CXCL9: variants seen among roughly 807,000 people sequenced by gnomAD.
CXCL9 encodes the protein C-X-C motif chemokine 9.
In CXCL9, 8 loss-of-function variants were observed where a neutral mutation model predicts 11.7. That is an observed-to-expected ratio of 0.68 (90% confidence interval 0.40 to 1.23). The LOEUF (loss-of-function observed/expected upper bound fraction) is 1.23. Ranked by LOEUF, CXCL9 falls within the 50% of genes most tolerant of loss-of-function variation. The pLI, the probability that CXCL9 is intolerant of heterozygous loss-of-function variation, is 0.01. For missense variants in CXCL9, 133 were observed against 141.7 expected (o/e 0.94, Z 0.31); for synonymous variants, 43 against 48.2 (o/e 0.89, Z 0.45).
Position 76,003,544 on chromosome 4 carries a change from T to C in CXCL9, c.*54A>G, listed in dbSNP as rs527924058. ...CCATCCTCCTTTGGAATGATAGCGG[T>C]ATAATTAAAATAGAACATTTTTAAC... On this transcript the variant is annotated 3_prime_UTR_variant, in exon 4 of 4. Transcript: ENST00000264888. 2.0e-6 allele frequency: 2 copies of C among 996,114 alleles called. No homozygotes were observed. Among genetic ancestry groups the C allele is most frequent in the Non-Finnish European group, 3.2e-6 (2 of 633,694 alleles). 61.7% of individuals were successfully genotyped at this position (996,114 alleles called of 1,614,324 possible).
In CXCL9 at chr4:76,004,816, T is replaced by C. The variant is rs901303891; in HGVS notation, c.269A>G (p.Glu90Gly). ...ADVKELIKKW[E>G]KQVSQKKKQK... ...ATCTTCCTTTTCACCAACCTGTTTC[T>C]CCCACTTTTTAATCAGTTCCTTCAC... is the stretch of plus-strand genomic sequence containing the variant. The change falls in exon 3 of 4, where the codon GAG (glutamate) becomes GGG (glycine). Residue 90 changes from glutamate (E) to glycine (G), a missense_variant. Physicochemically the swap from Glu to Gly is moderately conservative, Grantham distance 98. Coordinates refer to ENST00000264888, the MANE Select transcript of CXCL9 (RefSeq NM_002416.3). The C allele has an allele frequency of 1.3e-6, 2 of 1,596,392 alleles. No individual in the cohort carries two copies. Among genetic ancestry groups the C allele is most frequent in the East Asian group, 4.5e-5 (2 of 44,522 alleles).
intron 3 of CXCL9, 37 bp downstream of exon 3, chr4:76,004,772 T>C: frequency 1.3e-6 from 2 of 1,583,532 alleles, no homozygotes; most frequent in African/African-American, 1.4e-5. Context: ...AGTTAATTTC[T>C]AAAAGAAAGA....
At position 76,006,180 on chromosome 4, in the gene CXCL9, G is replaced by A. The variant is rs79440907; in HGVS notation, c.159C>T (p.Ala53=). 4 of 1,613,666 alleles carry A rather than the reference G, an allele frequency of 2.5e-6. No individual in the cohort carries two copies. In the East Asian group the frequency reaches 6.7e-5, roughly 27 times the overall value. ...CAATTTTCTCGCAGGAAGGGCTTGG[G>A]GCAAATTGTTTAAGGTCTTTCAAGG... is the stretch of plus-strand genomic sequence containing the variant. ...LQSLKDLKQF[A]PSPSCEKIEI... Residue 53 remains alanine, a synonymous_variant, in exon 2 of 4, where the codon GCC becomes GCT. Coordinates refer to ENST00000264888, the MANE Select transcript of CXCL9 (RefSeq NM_002416.3).
At chr4:76,004,986 A>C in intron 2 of CXCL9, 93 bp from the exon 3 acceptor site, 3 of 1,367,958 alleles carry the variant, frequency 2.2e-6, no homozygotes, top group Non-Finnish European at 1.9e-6. Context: ...AATTGTGCTG[A>C]ATTTTCTAAT....
chr4:76,007,333 C>A, intron 1 of CXCL9, 53 bp downstream of exon 1: 2 of 978,636 alleles, frequency 2.0e-6, no homozygotes, highest in Non-Finnish European at 3.3e-6. Context: ...AATCAAGATT[C>A]TTTTACAGTG....
chr4:76,003,514 A>G lies in CXCL9; in HGVS notation c.*84T>C, dbSNP rs1731515959. ...AGTCAAATTAATAAGCCTTTGTATT[A>G]TATGCCATCCTCCTTTGGAATGATA... On this transcript the variant is annotated 3_prime_UTR_variant, in exon 4 of 4. Coordinates refer to ENST00000264888, the MANE Select transcript of CXCL9 (RefSeq NM_002416.3). 1.3e-6 allele frequency: 1 copy of G among 772,092 alleles called. No individual in the cohort carries two copies. The highest frequency in any genetic ancestry group is 2.5e-5 in the East Asian group (1 of 39,978). 47.8% of individuals were successfully genotyped at this position (772,092 alleles called of 1,614,324 possible). A position where few individuals can be genotyped will look rare whatever the true frequency, so the allele number is the denominator to read the frequency against.
chr4:76,003,526 C>A lies in CXCL9; in HGVS notation c.*72G>T. ...AAGCCTTTGTATTATATGCCATCCT[C>A]CTTTGGAATGATAGCGGTATAATTA... On this transcript the variant is annotated 3_prime_UTR_variant, in exon 4 of 4. Transcript: ENST00000264888. The A allele has an allele frequency of 1.2e-6, 1 of 864,808 alleles. No homozygotes were observed. Among genetic ancestry groups the A allele is most frequent in the South Asian group, 1.5e-5 (1 of 68,286 alleles). 53.6% of individuals were successfully genotyped at this position (864,808 alleles called of 1,614,324 possible).
rs1731464643 is a variant in CXCL9, at chr4:76,001,591, T to C, written c.*2007A>G. 1.3e-5 allele frequency: 2 copies of C among 152,334 alleles called. No individual in the cohort carries two copies. The highest frequency in any genetic ancestry group is 1.3e-4 in the Admixed American group (2 of 15,306). 9.4% of individuals were successfully genotyped at this position (152,334 alleles called of 1,614,324 possible). A position where few individuals can be genotyped will look rare whatever the true frequency, so the allele number is the denominator to read the frequency against. ...ATTATTTGCTTTGAGAGTGTATGCA[T>C]GTATGTATATATATGATAAATGATT... On this transcript the variant is annotated 3_prime_UTR_variant, in exon 4 of 4. Coordinates refer to ENST00000264888, the MANE Select transcript of CXCL9 (RefSeq NM_002416.3).
At chr4:76,007,345 A>T in intron 1 of CXCL9, 41 bp downstream of exon 1, 2 of 1,070,716 alleles carry the variant, frequency 1.9e-6, no homozygotes, top group Non-Finnish European at 2.9e-6. Context: ...TTTACAGTGA[A>T]TCACTTCTCT....
rs1578167152 is a variant in CXCL9, at chr4:76,005,092, G to A, written c.192-199C>T. 2.4e-5 allele frequency: 20 copies of A among 817,778 alleles called. No individual in the cohort carries two copies. In the East Asian group the frequency reaches 7.9e-4, roughly 32 times the overall value. 50.7% of individuals were successfully genotyped at this position (817,778 alleles called of 1,614,324 possible). On this transcript the variant is annotated intron_variant, in intron 2 of 3. Transcript: ENST00000264888. ...AGACAGAATTTCGCTCTGTTGCCAG[G>A]CTGGAGTACAGTGGTGCGATCTCAG...
In CXCL9 at chr4:76,002,833, C is replaced by G. The variant is rs1327696636; in HGVS notation, c.*765G>C. 1.3e-5 allele frequency: 2 copies of G among 154,134 alleles called. No homozygotes were observed. The highest frequency in any genetic ancestry group is 4.8e-5 in the African/African-American group (2 of 41,482). The allele number at this position is 154,134 out of a possible 1,614,324, so 9.5% of individuals were successfully genotyped here. ...AAGCACTTCTGTGGGGTGTTGGGGA[C>G]AAGATGAGAAAGGAGTTGACTCAGA... is the stretch of plus-strand genomic sequence containing the variant. On this transcript the variant is annotated 3_prime_UTR_variant, in exon 4 of 4. Coordinates refer to ENST00000264888, the MANE Select transcript of CXCL9 (RefSeq NM_002416.3).
At chr4:76,006,806 A>G (rs145238633) in intron 1 of CXCL9, among the ~76,000 whole-genome samples, 4 of 152,306 alleles carry the variant, frequency 2.6e-5, no homozygotes, top group African/African-American at 9.6e-5. Context: ...TTGCTTTTCA[A>G]TAGTGTTTTA....
At chr4:76,003,919 G>A (rs1731529170) in intron 3 of CXCL9, among the ~76,000 whole-genome samples, 1 of 152,124 alleles carries the variant, frequency 6.6e-6, no homozygotes, top group South Asian at 2.1e-4. Flanking sequence ...TATTCTTCTG[G>A]CTTATTACAT....
chr4:76,006,391 T>A, intron 1 of CXCL9, 117 bp from the exon 2 acceptor site: 1 of 1,026,016 alleles, frequency 9.7e-7, no homozygotes, highest in Non-Finnish European at 1.4e-6. Flanking sequence ...ACCGAGTGCC[T>A]AAAAATAATC....
Position 76,002,427 on chromosome 4 carries a change from T to C in CXCL9, c.*1171A>G. On this transcript the variant is annotated 3_prime_UTR_variant, in exon 4 of 4. Transcript: ENST00000264888. ...GTCCCTGTAGTGAGTGTCCTGAAGA[T>C]AATAAGTAAGAGGTTACCAGAGGCT... The C allele has an allele frequency of 2.5e-6, 1 of 398,408 alleles. No homozygotes were observed. 24.7% of individuals were successfully genotyped at this position (398,408 alleles called of 1,614,324 possible). A position where few individuals can be genotyped will look rare whatever the true frequency, so the allele number is the denominator to read the frequency against.
At position 76,006,271 on chromosome 4, in the gene CXCL9, G is replaced by C. The variant is rs747019343; in HGVS notation, c.68C>G (p.Thr23Ser). Residue 23 changes from threonine (T) to serine (S), a missense_variant, in exon 2 of 4, where the codon ACC becomes AGC. By Grantham distance (58) the Thr-to-Ser change is moderately conservative. Transcript: ENST00000264888. The stretch of plus-strand genomic sequence containing the variant: ...ACAGCGACCCTTTCTCACTACTGGG[G>C]TTCCTGAGGGAAAGAAAAAGATAGA... ...ILLVLIGVQG[T>S]PVVRKGRCSC... The C allele has an allele frequency of 6.2e-7, 1 of 1,613,256 alleles. No individual in the cohort carries two copies.
At chr4:76,005,583 A>G (rs1731569534) in intron 2 of CXCL9, 1 of 152,262 alleles carries the variant, frequency 6.6e-6, no homozygotes, top group Admixed American at 6.5e-5. Flanking sequence ...TATATTTCCA[A>G]CAATAATCCT....
chr4:76,002,622 G>A lies in CXCL9; in HGVS notation c.*976C>T. 2.8e-6 allele frequency: 1 copy of A among 354,242 alleles called. No individual in the cohort carries two copies. The highest frequency in any genetic ancestry group is 5.0e-6 in the Non-Finnish European group (1 of 198,744). The allele number at this position is 354,242 out of a possible 1,614,324, so 21.9% of individuals were successfully genotyped here. On this transcript the variant is annotated 3_prime_UTR_variant, in exon 4 of 4. Transcript: ENST00000264888. Reference sequence around the variant, plus strand: ...ATATACTGTGGCTCTTGCCCTCAAGGAGCTGACAATCTGGTTGGAGAGATA... The same window carrying A: ...ATATACTGTGGCTCTTGCCCTCAAGAAGCTGACAATCTGGTTGGAGAGATA...
At position 76,006,217 on chromosome 4, in the gene CXCL9, A is replaced by G; in HGVS notation, c.122T>C (p.Ile41Thr). The change falls in exon 2 of 4, where the codon ATC (isoleucine) becomes ACC (threonine). Residue 41 changes from isoleucine (I) to threonine (T), a missense_variant. Coordinates refer to ENST00000264888, the MANE Select transcript of CXCL9 (RefSeq NM_002416.3). ...AAGGTCTTTCAAGGATTGTAGGTGG[A>G]TAGTCCCTTGGTTGGTGCTGATGCA... is the stretch of plus-strand genomic sequence containing the variant. ...CSCISTNQGT[I>T]HLQSLKDLKQ... The G allele has an allele frequency of 6.2e-7, 1 of 1,613,810 alleles. No homozygotes were observed. Among genetic ancestry groups the G allele is most frequent in the Non-Finnish European group, 8.5e-7 (1 of 1,179,734 alleles).
Sources: allele counts gnomAD v4.1 joint callset (sites outside exome capture counted in the v4.1 genomes callset), GRCh38; gene constraint gnomAD v4.1.1; transcripts MANE v1.5; gene names NCBI Gene and HGNC (gene_info 2026-07-23, HGNC 2026-07-21).